TANC2: variants seen among roughly 807,000 people sequenced by gnomAD.
TANC2 encodes the protein protein TANC2.
Under a neutral mutation model 210.5 loss-of-function variants are expected in TANC2, and 26 were observed. That is an observed-to-expected ratio of 0.12 (90% CI 0.09 to 0.17). The LOEUF (loss-of-function observed/expected upper bound fraction) is 0.17. Ranked by LOEUF, TANC2 falls within the 10% of genes least tolerant of loss-of-function variation. TANC2 has a pLI of 1.00. For missense variants in TANC2, 2,129 were observed against 2,608.9 expected, an observed-to-expected ratio of 0.82 and a Z score of 4.01; for synonymous variants, 931 against 967.1, an observed-to-expected ratio of 0.96 and a Z score of 0.69.
intron 4 of TANC2, among the ~76,000 whole-genome samples, chr17:63,116,483 G>A (rs544173470): frequency 2.0e-5 from 3 of 152,362 alleles, no homozygotes; most frequent in African/African-American, 7.2e-5. Context: ...GAGGCCTTTA[G>A]AAGCATGGAG....
intron 4 of TANC2, among the ~76,000 whole-genome samples, chr17:63,111,559 A>G (rs915032930): frequency 4.0e-5 from 6 of 151,480 alleles, no homozygotes; most frequent in Admixed American, 6.6e-5. Context: ...ATGGTTTTCT[A>G]CTCTTCATCT....
chr17:63,115,088 C>T (rs561166539), intron 4 of TANC2, among the ~76,000 whole-genome samples: 54 of 152,234 alleles, frequency 3.5e-4, no homozygotes, highest in Admixed American at 1.0e-3. Flanking sequence ...GAGAAAGTTG[C>T]TCTTTTTACC....
chr17:63,220,076 C>G (rs1449801077), intron 7 of TANC2, among the ~76,000 whole-genome samples: 2 of 152,058 alleles, frequency 1.3e-5, no homozygotes, highest in African/African-American at 4.8e-5. Context: ...GGGTGGATCA[C>G]CGGAGGTCAG....
intron 21 of TANC2, among the ~76,000 whole-genome samples, chr17:63,409,661 A>G (rs1198180325): frequency 6.6e-6 from 1 of 152,170 alleles, no homozygotes; most frequent in South Asian, 2.1e-4. Flanking sequence ...CCTACTACAC[A>G]CCTAGGCTGT....
intron 2 of TANC2, among the ~76,000 whole-genome samples, chr17:63,018,599 A>G (rs796390170): frequency 2.6e-5 from 4 of 152,246 alleles, no homozygotes; most frequent in Non-Finnish European, 4.4e-5. Flanking sequence ...ACAAAACTGT[A>G]TAGTATAATA....
intron 14 of TANC2, among the ~76,000 whole-genome samples, chr17:63,364,806 A>G (rs796750104): frequency 6.6e-6 from 1 of 152,152 alleles, no homozygotes; most frequent in Non-Finnish European, 1.5e-5. Flanking sequence ...AAAAAATTAC[A>G]GAACAGCCAA....
intron 18 of TANC2, among the ~76,000 whole-genome samples, chr17:63,397,736 A>G (rs1230115423): frequency 6.6e-6 from 1 of 152,266 alleles, no homozygotes. Flanking sequence ...ATCAATATAA[A>G]TAACCTCAAC....
intron 4 of TANC2, among the ~76,000 whole-genome samples, chr17:63,108,577 C>G (rs1305061225): frequency 6.6e-6 from 1 of 151,658 alleles, no homozygotes; most frequent in Non-Finnish European, 1.5e-5. Flanking sequence ...TTCGGGAGGC[C>G]GAGGCGGGCA....
chr17:63,239,675 C>G (rs1226038380), intron 8 of TANC2, among the ~76,000 whole-genome samples: 1 of 152,164 alleles, frequency 6.6e-6, no homozygotes, highest in Non-Finnish European at 1.5e-5. Context: ...CAATCCCCAA[C>G]TACCATGTCA....
At chr17:63,208,689 C>A (rs1179238960) in intron 7 of TANC2, among the ~76,000 whole-genome samples, 1 of 152,046 alleles carries the variant, frequency 6.6e-6, no homozygotes, top group Non-Finnish European at 1.5e-5. Flanking sequence ...TCTTTAGTAT[C>A]TTTCAATAAA....
At chr17:63,043,978 T>C (rs2035286553) in intron 2 of TANC2, among the ~76,000 whole-genome samples, 1 of 152,186 alleles carries the variant, frequency 6.6e-6, no homozygotes, top group Non-Finnish European at 1.5e-5. Context: ...TTGTCTTCTC[T>C]TTACTTCTTC....
intron 4 of TANC2, 110 bp from the exon 5 acceptor site, chr17:63,151,160 C>G: frequency 5.5e-6 from 2 of 366,488 alleles, no homozygotes; most frequent in Non-Finnish European, 7.5e-6. Context: ...CTCTATGTTT[C>G]TCTCTTTCCC....
chr17:63,180,527 G>A (rs890019150), intron 5 of TANC2, among the ~76,000 whole-genome samples: 2 of 152,192 alleles, frequency 1.3e-5, no homozygotes, highest in African/African-American at 4.8e-5. Flanking sequence ...AGATTTATAT[G>A]TTTGTGTTAT....
chr17:63,150,002 G>T (rs193015067), intron 4 of TANC2: 1 of 152,200 alleles, frequency 6.6e-6, no homozygotes, highest in East Asian at 1.9e-4. Flanking sequence ...GACACATTTT[G>T]AAAATAGTTT....
At chr17:63,087,122 G>C (rs2036999899) in intron 3 of TANC2, among the ~76,000 whole-genome samples, 1 of 152,220 alleles carries the variant, frequency 6.6e-6, no homozygotes, top group Non-Finnish European at 1.5e-5. Flanking sequence ...GTCTGTGTCA[G>C]TGAGACCACA....
intron 4 of TANC2, among the ~76,000 whole-genome samples, chr17:63,123,558 C>CA (rs560638545): frequency 0.015 from 1,487 of 99,774 alleles, 24 homozygotes; most frequent in African/African-American, 0.043. Flanking sequence ...GATTCTGTCT[C>CA]AAAAAAAAAA....
At chr17:63,074,970 C>G (rs968955621) in intron 3 of TANC2, among the ~76,000 whole-genome samples, 2 of 152,048 alleles carry the variant, frequency 1.3e-5, no homozygotes, top group South Asian at 4.1e-4. Context: ...CTCTTTTTCT[C>G]CAAGTTTGCT....
At position 63,215,613 on chromosome 17, in the gene TANC2, T is replaced by C. The variant is rs1204440649; in HGVS notation, c.769+14656T>C. On this transcript the variant is annotated intron_variant, in intron 7 of 27. Transcript: ENST00000689528. ...ACCTCCATTTTAAAAACACCCTAAATGATGGGGTACAGAGAGCCTCTGGAT... is the reference window on the plus strand; with the variant it reads ...ACCTCCATTTTAAAAACACCCTAAACGATGGGGTACAGAGAGCCTCTGGAT... Among the ~76,000 whole-genome samples, 4 of 152,114 alleles carry C rather than the reference T, an allele frequency of 2.6e-5. No individual in the cohort carries two copies. The East Asian group carries it at 5.8e-4, about 22-fold the overall frequency.
At chr17:63,289,103 T>G (rs2044308336) in intron 9 of TANC2, among the ~76,000 whole-genome samples, 1 of 152,152 alleles carries the variant, frequency 6.6e-6, no homozygotes, top group African/African-American at 2.4e-5. Context: ...AAATCTGGCT[T>G]CTTTCATGAT....
Sources: gnomAD v4.1 joint callset for allele counts (sites outside exome capture counted in the v4.1 genomes callset) on GRCh38, gnomAD v4.1.1 for gene constraint, MANE v1.5 for transcripts, NCBI Gene and HGNC (gene_info 2026-07-23, HGNC 2026-07-21) for gene names.